Variants in KLHL40 observed in about 807,000 individuals in gnomAD.
The protein encoded by KLHL40 is kelch like family member 40.
In KLHL40, 44 loss-of-function variants were observed where a neutral mutation model predicts 49.7. That is an observed-to-expected ratio of 0.89 (90% CI 0.70 to 1.14). KLHL40 has a LOEUF of 1.14. Among genes scored for constraint, KLHL40 ranks in the 50% most tolerant of loss-of-function variants. The pLI is 0.00. For missense variants in KLHL40, 892 were observed against 850.3 expected, an observed-to-expected ratio of 1.05 and a Z score of -0.61; for synonymous variants, 409 against 365.2, an observed-to-expected ratio of 1.12 and a Z score of -1.37.
chr3:42,689,681 G>T (rs765563989), intron 4 of KLHL40, among the ~76,000 whole-genome samples: 26 of 152,124 alleles, frequency 1.7e-4, no homozygotes, highest in Non-Finnish European at 3.5e-4. Context: ...GGTCAGGAAG[G>T]TCAGGGGTGA....
Position 42,685,635 on chromosome 3 carries a change from A to C in KLHL40, c.17A>C (p.Glu6Ala). 6.2e-7 allele frequency: 1 copy of C among 1,601,636 alleles called. No individual in the cohort carries two copies. Among genetic ancestry groups the C allele is most frequent in the Non-Finnish European group, 8.5e-7 (1 of 1,174,352 alleles). ...CCACCCACCATGGCGCTGGGCTTGG[A>C]GCAGGCGGAGGAGCAGCGGTTGTAC... Reference protein sequence around the residue: MALGLEQAEEQRLYQQ... With the variant: MALGLAQAEEQRLYQQ... The change falls in exon 1 of 6, where the codon GAG becomes GCG. Residue 6 changes from glutamate to alanine, a missense_variant. By Grantham distance (107) the Glu-to-Ala change is moderately radical. Coordinates refer to ENST00000287777, the MANE Select transcript of KLHL40 (RefSeq NM_152393.4).
In KLHL40 at chr3:42,686,377, G is replaced by C. The variant is rs370186438; in HGVS notation, c.759G>C (p.Lys253Asn). Residue 253 changes from lysine to asparagine, a missense_variant, in exon 1 of 6, where the codon AAG becomes AAC. Transcript: ENST00000287777. ...GTGCCCAGCCCGAGTTGCTGCGCAA[G>C]GTGCAGATGGTGAAGGATGCACACG... Reference protein sequence around the residue: ...LVRAQPELLRKVQMVKDAHEG... With the variant: ...LVRAQPELLRNVQMVKDAHEG... 6.8e-6 allele frequency: 11 copies of C among 1,613,340 alleles called. No homozygotes were observed. The highest frequency in any genetic ancestry group is 9.3e-6 in the Non-Finnish European group (11 of 1,179,980).
rs2125845261 is a variant in KLHL40, at chr3:42,688,059, G to A, written c.1153-83G>A. 6.4e-7 allele frequency: 1 copy of A among 1,568,382 alleles called. No individual in the cohort carries two copies. The highest frequency in any genetic ancestry group is 1.3e-5 in the African/African-American group (1 of 74,208). ...TACCTGGGTTCCCGACCTCCTCCGT[G>A]ATCTGGGGCAGTGGGACTGAGTGGG... On this transcript the variant is annotated intron_variant, in intron 1 of 5. Coordinates refer to ENST00000287777, the MANE Select transcript of KLHL40 (RefSeq NM_152393.4). The surrounding 1 kb of genome is among the most constrained non-coding windows in gnomAD (Gnocchi z 4.2).
Position 42,690,884 on chromosome 3 carries a change from CAGG to C in KLHL40, c.1636_1638del (p.Glu546del). 1 of 1,612,280 alleles carries C rather than the reference CAGG, an allele frequency of 6.2e-7. No individual in the cohort carries two copies. Among genetic ancestry groups the C allele is most frequent in the Non-Finnish European group, 8.5e-7 (1 of 1,179,076 alleles). Reference sequence around the variant, plus strand: ...GTGGGCACCCTTCGAGGCCTTCCCACAGGAGCGTAGCTCACTCAGCCTGGTCAG... The same window carrying C: ...GTGGGCACCCTTCGAGGCCTTCCCACAGCGTAGCTCACTCAGCCTGGTCAG... On this transcript the variant is annotated inframe_deletion, in exon 5 of 6. Coordinates refer to ENST00000287777, the MANE Select transcript of KLHL40 (RefSeq NM_152393.4).
rs1311815401 is a variant in KLHL40 at position 42,691,065 on chromosome 3, C to A, written c.1754+60C>A. On this transcript the variant is annotated intron_variant, in intron 5 of 5. Transcript: ENST00000287777. ...TGAGCAAGGCTGACACCCCATAGCA[C>A]CATGGTGGGGTACCAAGGCACTGGG... is the stretch of plus-strand genomic sequence containing the variant. The A allele has an allele frequency of 1.5e-5, 23 of 1,508,092 alleles. No homozygotes were observed. In the East Asian group the frequency reaches 5.1e-4, roughly 33 times the overall value. The allele number at this position is 1,508,092 out of a possible 1,614,324, so 93.4% of individuals were successfully genotyped here.
chr3:42,688,714 A>G lies in KLHL40; in HGVS notation c.1418A>G (p.Asp473Gly), dbSNP rs1697314863. ...LVYVIGGKGS[D>G]RKCLNKMCVY... ...TACGTAATTGGCGGCAAAGGCAGTG[A>G]CAGGTGAGGCTGGGCCTGGAGTGAG... Residue 473 changes from aspartate to glycine, a missense_variant, in exon 3 of 6, where the codon GAC (aspartate) becomes GGC (glycine). Coordinates refer to ENST00000287777, the MANE Select transcript of KLHL40 (RefSeq NM_152393.4). This position sits in a 1 kb window ranked among gnomAD's most constrained non-coding sequence, Gnocchi z 4.2. 1.4e-5 allele frequency: 22 copies of G among 1,612,572 alleles called. No homozygotes were observed. Among genetic ancestry groups the G allele is most frequent in the Non-Finnish European group, 1.7e-5 (20 of 1,178,702 alleles).
chr3:42,691,392 C>T (rs1371920722), intron 5 of KLHL40, among the ~76,000 whole-genome samples: 1 of 152,090 alleles, frequency 6.6e-6, no homozygotes, highest in African/African-American at 2.4e-5. Context: ...GGAGCCCTGG[C>T]CTTTCAGAAC....
chr3:42,686,100 C>T lies in KLHL40; in HGVS notation c.482C>T (p.Thr161Met), dbSNP rs757280053. Reference sequence around the variant, plus strand: ...CGCGACTTCATCTGCGCTCACTTCACGCTGGTGGCGCGCGACGCTGACTTC... The same window carrying T: ...CGCGACTTCATCTGCGCTCACTTCATGCTGGTGGCGCGCGACGCTGACTTC... ...AARDFICAHF[T>M]LVARDADFLG... Residue 161 changes from threonine (T) to methionine (M), a missense_variant, in exon 1 of 6, where the codon ACG becomes ATG. Physicochemically the swap from Thr to Met is moderately conservative, Grantham distance 81. Transcript: ENST00000287777. 2 of 1,601,290 alleles carry T rather than the reference C, an allele frequency of 1.2e-6. No individual in the cohort carries two copies. The highest frequency in any genetic ancestry group is 1.7e-6 in the Non-Finnish European group (2 of 1,179,616).
rs773720799 is a variant in KLHL40, at chr3:42,688,692, G to T, written c.1396G>T (p.Val466Leu). Residue 466 changes from valine to leucine, a missense_variant, in exon 3 of 6, where the codon GTA becomes TTA. Val to Leu is a conservative substitution (Grantham distance 32). Coordinates refer to ENST00000287777, the MANE Select transcript of KLHL40 (RefSeq NM_152393.4). The surrounding 1 kb of genome is among the most constrained non-coding windows in gnomAD (Gnocchi z 4.2). ...GCTCTCCCACATGGACCTTGTCTAC[G>T]TAATTGGCGGCAAAGGCAGTGACAG... ...TVLSHMDLVYVIGGKGSDRKC... is the reference protein window; with the variant it reads ...TVLSHMDLVYLIGGKGSDRKC... 8.1e-6 allele frequency: 13 copies of T among 1,613,958 alleles called. No individual in the cohort carries two copies. In the Admixed American group the frequency reaches 2.2e-4, roughly 27 times the overall value.
rs1193539989 is a variant in KLHL40, at chr3:42,686,386, G to C, written c.768G>C (p.Met256Ile). ...CCGAGTTGCTGCGCAAGGTGCAGATGGTGAAGGATGCACACGAGGGCCGCA... is the reference window on the plus strand; with the variant it reads ...CCGAGTTGCTGCGCAAGGTGCAGATCGTGAAGGATGCACACGAGGGCCGCA... ...AQPELLRKVQ[M>I]VKDAHEGRIT... The change falls in exon 1 of 6, where the codon ATG (methionine) becomes ATC (isoleucine). Residue 256 changes from methionine to isoleucine, a missense_variant. Physicochemically the swap from Met to Ile is conservative, Grantham distance 10 (BLOSUM62 1). Coordinates refer to ENST00000287777, the MANE Select transcript of KLHL40 (RefSeq NM_152393.4). 19 of 1,613,412 alleles carry C rather than the reference G, an allele frequency of 1.2e-5. No individual in the cohort carries two copies. Among genetic ancestry groups the C allele is most frequent in the Non-Finnish European group, 1.5e-5 (18 of 1,180,000 alleles).
rs139282097 is a variant in KLHL40 at position 42,690,115 on chromosome 3, C to T, written c.1608-744C>T. On this transcript the variant is annotated intron_variant, in intron 4 of 5. Transcript: ENST00000287777. ...CCTGGGGGTGTCCAAAAGGACCCCA[C>T]CCGGGAGAGAGAGGGCTGAGCTGGA... 3.4e-3 allele frequency among the ~76,000 whole-genome samples: 517 copies of T among 152,182 alleles called. 1 individual carries two copies. Among genetic ancestry groups the T allele is most frequent in the Non-Finnish European group, 6.0e-3 (411 of 68,016 alleles).
Position 42,690,948 on chromosome 3 carries a change from C to T in KLHL40, c.1697C>T (p.Ala566Val). ...ACCCTCTATGCCATTGGTGGCTTTG[C>T]CACACTGGAGACGGAGTCTGGAGAG... is the stretch of plus-strand genomic sequence containing the variant. The part of the protein sequence containing the change: ...VGTLYAIGGF[A>V]TLETESGELV... The change falls in exon 5 of 6, where the codon GCC becomes GTC. Residue 566 changes from alanine to valine, a missense_variant. Coordinates refer to ENST00000287777, the MANE Select transcript of KLHL40 (RefSeq NM_152393.4). 1 of 1,613,684 alleles carries T rather than the reference C, an allele frequency of 6.2e-7. No individual in the cohort carries two copies. The highest frequency in any genetic ancestry group is 8.5e-7 in the Non-Finnish European group (1 of 1,179,726).
At chr3:42,690,552 G>A (rs546784275) in intron 4 of KLHL40, among the ~76,000 whole-genome samples, 7 of 152,268 alleles carry the variant, frequency 4.6e-5, no homozygotes, top group South Asian at 4.1e-4. Flanking sequence ...GCTAGGGGCT[G>A]GGGTTGTGAG....
chr3:42,688,235 G>A lies in KLHL40; in HGVS notation c.1246G>A (p.Val416Met), dbSNP rs759198473. The change falls in exon 2 of 6, where the codon GTG (valine) becomes ATG (methionine). Residue 416 changes from valine to methionine, a missense_variant. Transcript: ENST00000287777. The surrounding 1 kb of genome is among the most constrained non-coding windows in gnomAD (Gnocchi z 4.2). ...GLGEALNSIY[V>M]VGGREIKDGE... is the part of the protein sequence containing the mutation. ...GGGAGAAGCTCTCAACTCCATCTAC[G>A]TGGTCGGTGGCAGAGAGATCAAGGA... is the stretch of plus-strand genomic sequence containing the variant. The A allele has an allele frequency of 4.8e-5, 78 of 1,613,878 alleles. 2 individuals carry two copies. In the South Asian group the frequency reaches 6.8e-4, roughly 14 times the overall value.
chr3:42,691,826 T>C (rs1697374960), intron 5 of KLHL40, 56 bp from the exon 6 acceptor site: 3 of 1,125,058 alleles, frequency 2.7e-6, no homozygotes, highest in South Asian at 1.2e-5. Context: ...TGCGTTCCAC[T>C]CTGGACTCAG....
chr3:42,689,057 A>T lies in KLHL40; in HGVS notation c.1607+3A>T, dbSNP rs1697322557. On this transcript the variant is annotated splice_donor_region_variant and intron_variant, in intron 4 of 5. Coordinates refer to ENST00000287777, the MANE Select transcript of KLHL40 (RefSeq NM_152393.4). ...GTGTACAGCATCACAGACAACAAGTATGAAAGCTTGTCCCTTCCGCCAAGG... is the reference window on the plus strand; with the variant it reads ...GTGTACAGCATCACAGACAACAAGTTTGAAAGCTTGTCCCTTCCGCCAAGG... 2 of 1,606,236 alleles carry T rather than the reference A, an allele frequency of 1.2e-6. No individual in the cohort carries two copies. Among genetic ancestry groups the T allele is most frequent in the Admixed American group, 1.7e-5 (1 of 59,712 alleles).
rs896446575 is a variant in KLHL40 at position 42,692,404 on chromosome 3, A to G, written c.*411A>G. On this transcript the variant is annotated 3_prime_UTR_variant, in exon 6 of 6. Coordinates refer to ENST00000287777, the MANE Select transcript of KLHL40 (RefSeq NM_152393.4). ...AGATATGTCTCCTTCTTTAGGAAGA[A>G]TAAAGTGCCTTCTGAGCAAGCAGCT... 2 of 406,248 alleles carry G rather than the reference A, an allele frequency of 4.9e-6. No individual in the cohort carries two copies. The highest frequency in any genetic ancestry group is 4.0e-5 in the African/African-American group (2 of 50,214). The allele number at this position is 406,248 out of a possible 1,614,324, so 25.2% of individuals were successfully genotyped here.
chr3:42,691,090 G>A, intron 5 of KLHL40, 85 bp downstream of exon 5: 2 of 1,397,406 alleles, frequency 1.4e-6, no homozygotes, highest in Non-Finnish European at 1.9e-6. Context: ...AAGGCACTGG[G>A]CAAGCTCCTC....
rs747662672 is a variant in KLHL40 at position 42,685,629 on chromosome 3, G to A, written c.11G>A (p.Gly4Asp). MALGLEQAEEQRLY... is the reference protein window; with the variant it reads MALDLEQAEEQRLY... ...CCTAGGCCACCCACCATGGCGCTGG[G>A]CTTGGAGCAGGCGGAGGAGCAGCGG... The change falls in exon 1 of 6, where the codon GGC becomes GAC. Residue 4 changes from glycine to aspartate, a missense_variant. By Grantham distance (94) the Gly-to-Asp change is moderately conservative. Transcript: ENST00000287777. 1 of 1,598,176 alleles carries A rather than the reference G, an allele frequency of 6.3e-7. No individual in the cohort carries two copies. The highest frequency in any genetic ancestry group is 1.7e-5 in the Admixed American group (1 of 58,384).
Sources: gnomAD v4.1 joint callset for allele counts (sites outside exome capture counted in the v4.1 genomes callset) on GRCh38, gnomAD v4.1.1 for gene constraint, Gnocchi (gnomAD v3.1) non-coding constraint, MANE v1.5 for transcripts, NCBI Gene and HGNC (gene_info 2026-07-23, HGNC 2026-07-21) for gene names.